The following DEPDC1B variants were observed in gnomAD, a reference collection of about 807,000 sequenced individuals.
DEPDC1B encodes DEP domain containing 1B.
A neutral mutation model predicts 66.5 loss-of-function variants in DEPDC1B; 51 were observed. The observed-to-expected ratio is 0.77, with a 90% CI of 0.61 to 0.97. The LOEUF is 0.97. DEPDC1B is among the 50% of genes least tolerant of loss of function. The pLI is 0.00. For missense variants in DEPDC1B, 552 were observed against 637.1 expected (o/e 0.87, Z 1.44); for synonymous variants, 226 against 223.6 (o/e 1.01, Z -0.10).
intron 7 of DEPDC1B, among the ~76,000 whole-genome samples, chr5:60,617,342 C>G (rs1172661319): frequency 1.3e-5 from 2 of 152,130 alleles, no homozygotes; most frequent in Non-Finnish European, 2.9e-5. Context: ...CCCAAACTGG[C>G]AAATTGGATA....
At chr5:60,673,515 T>C (rs1754093416) in intron 2 of DEPDC1B, among the ~76,000 whole-genome samples, 1 of 152,154 alleles carries the variant, frequency 6.6e-6, no homozygotes, top group South Asian at 2.1e-4. Context: ...ATCAAGTGAC[T>C]GGGGAAATGC....
chr5:60,669,396 C>A (rs535234530), intron 2 of DEPDC1B, among the ~76,000 whole-genome samples: 31 of 152,196 alleles, frequency 2.0e-4, no homozygotes, highest in African/African-American at 7.0e-4. Flanking sequence ...AGACTTTGTA[C>A]CCAAAAACAA....
At chr5:60,647,608 T>C in intron 2 of DEPDC1B, 75 bp from the exon 3 acceptor site, 32 of 1,494,822 alleles carry the variant, frequency 2.1e-5, no homozygotes, top group Non-Finnish European at 2.8e-5. Flanking sequence ...GTCTCCACTT[T>C]GGTGTATCTG....
At chr5:60,639,662 G>C (rs1192689624) in intron 6 of DEPDC1B, among the ~76,000 whole-genome samples, 1 of 152,152 alleles carries the variant, frequency 6.6e-6, no homozygotes, top group African/African-American at 2.4e-5. Context: ...AACAAGAAAT[G>C]TTCTCTACAG....
intron 2 of DEPDC1B, among the ~76,000 whole-genome samples, chr5:60,660,575 A>G (rs1753690858): frequency 6.6e-6 from 1 of 152,182 alleles, no homozygotes; most frequent in Non-Finnish European, 1.5e-5. Context: ...AATGCATTCA[A>G]TCTGTAGCAG....
chr5:60,604,441 G>C lies in DEPDC1B; in HGVS notation c.1066-874C>G, dbSNP rs180857393. ...TCACCATGTTGGTCAGGCTGGTCTA[G>C]AACTCCTGACCTCAGGTGATCCACC... On this transcript the variant is annotated intron_variant, in intron 8 of 10. Coordinates refer to ENST00000265036, the MANE Select transcript of DEPDC1B (RefSeq NM_018369.3). Among the ~76,000 whole-genome samples the C allele has an allele frequency of 5.3e-5, 8 of 151,632 alleles. 1 individual carries two copies. In the East Asian group the frequency reaches 1.6e-3, roughly 30 times the overall value.
In DEPDC1B at chr5:60,700,123, G is replaced by A. The variant is rs747164607; in HGVS notation, c.-30C>T. On this transcript the variant is annotated 5_prime_UTR_variant, in exon 1 of 11. Coordinates refer to ENST00000265036, the MANE Select transcript of DEPDC1B (RefSeq NM_018369.3). The stretch of plus-strand genomic sequence containing the variant: ...CGTAGGCAGCAGCGGCCGCAGCCGC[G>A]CCAGCGCTGATCCCCGCCAGCCGGA... The A allele has an allele frequency of 1.3e-5, 20 of 1,537,720 alleles. No homozygotes were observed. In the South Asian group the frequency reaches 1.7e-4, roughly 13 times the overall value.
chr5:60,675,971 G>T (rs549253154), intron 2 of DEPDC1B, among the ~76,000 whole-genome samples: 1 of 149,960 alleles, frequency 6.7e-6, no homozygotes, highest in African/African-American at 2.5e-5. Context: ...CTGTTGCCCA[G>T]GCCTGGAATG....
At chr5:60,606,032 T>C (rs1752302298) in intron 7 of DEPDC1B, among the ~76,000 whole-genome samples, 176 bp from the exon 8 acceptor site, 1 of 152,060 alleles carries the variant, frequency 6.6e-6, no homozygotes, top group Non-Finnish European at 1.5e-5. Flanking sequence ...CTATAGAAAA[T>C]ACAAACCATC....
At chr5:60,665,009 G>T (rs1182935428) in intron 2 of DEPDC1B, among the ~76,000 whole-genome samples, 1 of 151,962 alleles carries the variant, frequency 6.6e-6, no homozygotes, top group Non-Finnish European at 1.5e-5. Context: ...AAATAGAAGG[G>T]AACCGCCAAG....
intron 7 of DEPDC1B, among the ~76,000 whole-genome samples, chr5:60,626,369 C>T (rs958327330): frequency 1.5e-4 from 23 of 152,090 alleles, no homozygotes; most frequent in Non-Finnish European, 2.9e-5. Flanking sequence ...CTGAGTAATG[C>T]TGCTATGAAC....
rs199800173 is a variant in DEPDC1B, at chr5:60,687,190, G to T, written c.86C>A (p.Pro29Gln). The T allele has an allele frequency of 5.0e-6, 8 of 1,613,272 alleles. No homozygotes were observed. The East Asian group carries it at 1.6e-4, about 31-fold the overall frequency. The part of the protein sequence containing the change: ...ETVELFRAKM[P>Q]LRKHRCRFKS... ...GAAACGACAGCGATGTTTCCGTAAC[G>T]GCATCTTAGCACGAAAAAGCTCCAC... Residue 29 changes from proline (P) to glutamine (Q), a missense_variant, in exon 2 of 11, where the codon CCG becomes CAG. By Grantham distance (76) the Pro-to-Gln change is moderately conservative. Coordinates refer to ENST00000265036, the MANE Select transcript of DEPDC1B (RefSeq NM_018369.3).
At chr5:60,697,464 G>A (rs2124751) in intron 1 of DEPDC1B, among the ~76,000 whole-genome samples, 10,903 of 152,138 alleles carry the variant, frequency 0.072, 660 homozygotes, top group East Asian at 0.2. Context: ...ATAGAGGGAG[G>A]AAAGGCCAAC....
Position 60,671,539 on chromosome 5 carries a change from G to A in DEPDC1B, c.314+15423C>T, listed in dbSNP as rs192303433. ...TTGCTTGGGAACTCCCCATCAGCCC[G>A]GGGAAATTTTCAGAACTCTGGCATG... On this transcript the variant is annotated intron_variant, in intron 2 of 10. Transcript: ENST00000265036. Among the ~76,000 whole-genome samples, 846 of 152,302 alleles carry A rather than the reference G, an allele frequency of 5.6e-3. 3 individuals are homozygous for A. Among genetic ancestry groups the A allele is most frequent in the Non-Finnish European group, 8.5e-3 (581 of 68,028 alleles).
chr5:60,698,210 T>C (rs972250860), intron 1 of DEPDC1B, among the ~76,000 whole-genome samples: 4 of 152,234 alleles, frequency 2.6e-5, no homozygotes, highest in African/African-American at 9.6e-5. Context: ...CTGGTGTCTA[T>C]ACTGTATAGA....
chr5:60,659,651 G>C (rs1178700415), intron 2 of DEPDC1B, among the ~76,000 whole-genome samples: 1 of 152,196 alleles, frequency 6.6e-6, no homozygotes, highest in Admixed American at 6.5e-5. Flanking sequence ...AGCCGCCCAT[G>C]TATGCGCCCC....
At chr5:60,612,267 A>G (rs1752427897) in intron 7 of DEPDC1B, among the ~76,000 whole-genome samples, 1 of 152,016 alleles carries the variant, frequency 6.6e-6, no homozygotes, top group African/African-American at 2.4e-5. Context: ...TACTAAAAAT[A>G]CAAAAATTAG....
At chr5:60,613,400 G>A (rs1291410379) in intron 7 of DEPDC1B, among the ~76,000 whole-genome samples, 4 of 152,158 alleles carry the variant, frequency 2.6e-5, no homozygotes, top group African/African-American at 9.7e-5. Flanking sequence ...TTCATTCAAC[G>A]AAGGTTTGAA....
intron 5 of DEPDC1B, 83 bp downstream of exon 5, chr5:60,644,662 G>C: frequency 8.4e-7 from 1 of 1,187,046 alleles, no homozygotes; most frequent in South Asian, 2.0e-5. Context: ...TCAGGGTTTA[G>C]GGAAGGGTCA....
Sources: gnomAD v4.1 joint callset for allele counts (sites outside exome capture counted in the v4.1 genomes callset) on GRCh38, gnomAD v4.1.1 for gene constraint, MANE v1.5 for transcripts, NCBI Gene and HGNC (gene_info 2026-07-23, HGNC 2026-07-21) for gene names.